Variants in DSE observed in about 807,000 individuals in gnomAD.
DSE encodes the protein dermatan sulfate epimerase, also known as dermatan-sulfate epimerase.
DSE carries 36 observed loss-of-function variants against 84.4 expected under a neutral mutation model. The ratio of observed to expected loss-of-function variants is 0.43; its 90% CI spans 0.33 to 0.56. The LOEUF is 0.56. DSE is among the 20% of genes least tolerant of loss of function. The pLI, the probability that DSE is intolerant of heterozygous loss-of-function variation, is 0.06. For synonymous variants in DSE, 410 were observed against 430.1 expected, an observed-to-expected ratio of 0.95 and a Z score of 0.58; for missense variants, 862 against 1,169.6, an observed-to-expected ratio of 0.74 and a Z score of 3.84.
chr6:116,364,925 T>A (rs954499160), intron 2 of DSE, among the ~76,000 whole-genome samples: 1 of 148,748 alleles, frequency 6.7e-6, no homozygotes, highest in African/African-American at 2.5e-5. Context: ...CCTCTGCCTC[T>A]TGGGTTCCAG....
chr6:116,436,403 CTA>C lies in DSE; in HGVS notation c.1937_1938del (p.Tyr646CysfsTer56). ...PRGYPYNGTN[Y>X]VNVTMHLRSP... ...GGGGCTATCCCTACAATGGGACAAA[CTA>C]TGTGAATGTCACCATGCACCTCCGA... On this transcript the variant is annotated frameshift_variant, in exon 6 of 6. Coordinates refer to ENST00000644252, the MANE Select transcript of DSE (RefSeq NM_013352.4). LOFTEE classifies it high-confidence loss of function. 5 of 1,614,042 alleles carry C rather than the reference CTA, an allele frequency of 3.1e-6. No homozygotes were observed. Among genetic ancestry groups the C allele is most frequent in the East Asian group, 2.2e-5 (1 of 44,892 alleles).
At chr6:116,403,852 C>T (rs569774769) in intron 2 of DSE, among the ~76,000 whole-genome samples, 1 of 152,280 alleles carries the variant, frequency 6.6e-6, no homozygotes, top group Admixed American at 6.5e-5. Context: ...TGATGAATTG[C>T]ACAGTGTTAT....
At chr6:116,278,892 T>C (rs1340954112) in intron 2 of DSE, 10 of 1,614,072 alleles carry the variant, frequency 6.2e-6, no homozygotes, top group Non-Finnish European at 8.5e-6. Flanking sequence ...TTCTAGGGTG[T>C]CTGAGTTCCT....
chr6:116,258,562 G>C (rs762060367), exon 2 of DSE: 2 of 1,545,190 alleles, frequency 1.3e-6, no homozygotes, highest in Non-Finnish European at 1.8e-6. Context: ...ATAGGAGTTG[G>C]AGGAGCCCTT....
At chr6:116,365,133 C>T (rs1464287968) in intron 2 of DSE, among the ~76,000 whole-genome samples, 1 of 151,156 alleles carries the variant, frequency 6.6e-6, no homozygotes, top group African/African-American at 2.4e-5. Flanking sequence ...CCACCTCACC[C>T]AGCCTATTTA....
chr6:116,261,497 C>T (rs745359135), intron 2 of DSE, among the ~76,000 whole-genome samples: 2 of 152,024 alleles, frequency 1.3e-5, no homozygotes, highest in Non-Finnish European at 2.9e-5. Flanking sequence ...ATGTTATCAG[C>T]TTAAGGGCTG....
intron 2 of DSE, among the ~76,000 whole-genome samples, chr6:116,418,661 C>T (rs1782879617): frequency 6.6e-6 from 1 of 152,162 alleles, no homozygotes; most frequent in African/African-American, 2.4e-5. Context: ...GACCCTTCTG[C>T]CTAGCTTTTG....
intron 1 of DSE, chr6:116,254,806 A>G (rs1381484124): frequency 6.6e-6 from 1 of 152,592 alleles, no homozygotes; most frequent in Non-Finnish European, 1.5e-5. Context: ...GGGGATTTTA[A>G]TTTCTAAACT....
intron 2 of DSE, chr6:116,280,029 G>A (rs1057163124): frequency 1.0e-5 from 7 of 701,618 alleles, no homozygotes; most frequent in Admixed American, 6.7e-5. Context: ...CCAGCCAACC[G>A]GATTCTCTGG....
At chr6:116,413,441 C>T (rs752890486) in intron 2 of DSE, among the ~76,000 whole-genome samples, 2 of 152,156 alleles carry the variant, frequency 1.3e-5, no homozygotes, top group Non-Finnish European at 2.9e-5. Context: ...TTAAGATGCC[C>T]TCTTTATTCT....
intron 3 of DSE, 63 bp from the exon 4 acceptor site, chr6:116,430,891 A>T: frequency 6.3e-7 from 1 of 1,585,312 alleles, no homozygotes; most frequent in South Asian, 1.1e-5. Context: ...TTTATTGGCC[A>T]TATTTTTGTT....
At chr6:116,364,828 CTTTT>C (rs1211909933) in intron 2 of DSE, among the ~76,000 whole-genome samples, 2 of 131,186 alleles carry the variant, frequency 1.5e-5, no homozygotes, top group African/African-American at 2.9e-5. Flanking sequence ...TTTAGTAACA[CTTTT>C]TTTTTTTTTT....
chr6:116,357,089 T>G (rs1458884091), intron 2 of DSE, among the ~76,000 whole-genome samples: 1 of 152,202 alleles, frequency 6.6e-6, no homozygotes, highest in African/African-American at 2.4e-5. Context: ...TGACATTCAC[T>G]AATAATATTT....
chr6:116,372,325 G>A (rs1396666190), intron 1 of DSE, among the ~76,000 whole-genome samples: 1 of 152,024 alleles, frequency 6.6e-6, no homozygotes, highest in Non-Finnish European at 1.5e-5. Context: ...AAAATTAGCC[G>A]GGCGTGGTGG....
chr6:116,370,185 G>T, upstream of DSE: 1 of 308,828 alleles, frequency 3.2e-6, no homozygotes, highest in Non-Finnish European at 6.5e-6. Flanking sequence ...GTGCATGAGG[G>T]ATCTCTCTCT....
At chr6:116,338,844 C>G (rs539775527) in intron 2 of DSE, among the ~76,000 whole-genome samples, 2 of 152,318 alleles carry the variant, frequency 1.3e-5, no homozygotes, top group South Asian at 4.1e-4. Context: ...TCAAAATTCT[C>G]CAGCTTTCCA....
At chr6:116,272,798 A>G (rs951736035) in intron 2 of DSE, among the ~76,000 whole-genome samples, 3 of 152,232 alleles carry the variant, frequency 2.0e-5, no homozygotes, top group Non-Finnish European at 4.4e-5. Context: ...CTAGATGACT[A>G]TTTGTCTGAA....
intron 2 of DSE, among the ~76,000 whole-genome samples, chr6:116,414,418 C>T (rs1010912848): frequency 1.3e-5 from 1 of 79,432 alleles, no homozygotes; most frequent in Non-Finnish European, 2.9e-5. Flanking sequence ...AGTGTTTGCT[C>T]ATTTTTTTTT....
At chr6:116,409,831 A>G (rs1209373670) in intron 2 of DSE, among the ~76,000 whole-genome samples, 1 of 152,224 alleles carries the variant, frequency 6.6e-6, no homozygotes, top group Non-Finnish European at 1.5e-5. Flanking sequence ...TTTCCTGCTG[A>G]GTCCTGAAGG....
Sources: allele counts gnomAD v4.1 joint callset (sites outside exome capture counted in the v4.1 genomes callset), GRCh38; gene constraint gnomAD v4.1.1; transcripts MANE v1.5; gene names NCBI Gene and HGNC (gene_info 2026-07-23, HGNC 2026-07-21).